LRRC4C: variants seen among roughly 807,000 people sequenced by gnomAD.
LRRC4C encodes the protein leucine-rich repeat-containing protein 4C.
LRRC4C carries 5 observed loss-of-function variants against 33.6 expected under a neutral mutation model. That is an observed-to-expected ratio of 0.15 (90% CI 0.08 to 0.31). The LOEUF (loss-of-function observed/expected upper bound fraction) is 0.31. Among genes scored for constraint, LRRC4C ranks in the 10% least tolerant of loss-of-function variants. The pLI is 1.00. For missense variants in LRRC4C, 560 were observed against 796.7 expected, an observed-to-expected ratio of 0.70 and a Z score of 3.58; for synonymous variants, 329 against 302.0, an observed-to-expected ratio of 1.09 and a Z score of -0.93.
chr11:40,672,180 G>A lies in LRRC4C; in HGVS notation c.-406-23902C>T, dbSNP rs555518055. Among the ~76,000 whole-genome samples the A allele has an allele frequency of 9.2e-5, 14 of 152,274 alleles. No individual in the cohort carries two copies. The South Asian group carries it at 1.2e-3, about 14-fold the overall frequency. On this transcript the variant is annotated intron_variant, in intron 2 of 6. Transcript: ENST00000528697. Reference sequence around the variant, plus strand: ...AAAGTTCTCAGAGATTTGGTTCCTGGTAAGGGCCAGATTTCTAGGTGTGTT... The same window carrying A: ...AAAGTTCTCAGAGATTTGGTTCCTGATAAGGGCCAGATTTCTAGGTGTGTT...
intron 3 of LRRC4C, among the ~76,000 whole-genome samples, chr11:40,417,049 AAAGTG>A (rs1236003005): frequency 6.6e-6 from 1 of 152,230 alleles, no homozygotes; most frequent in Non-Finnish European, 1.5e-5. Context: ...TGAACAATAA[AAAGTG>A]AAAAAGGAAA....
At chr11:40,593,686 G>T (rs1314052060) in intron 3 of LRRC4C, among the ~76,000 whole-genome samples, 2 of 152,228 alleles carry the variant, frequency 1.3e-5, no homozygotes, top group Admixed American at 6.5e-5. Context: ...AAGGGGGTTG[G>T]ATATAATATT....
At chr11:40,674,781 G>A (rs1944313277) in intron 2 of LRRC4C, among the ~76,000 whole-genome samples, 1 of 152,128 alleles carries the variant, frequency 6.6e-6, no homozygotes, top group South Asian at 2.1e-4. Context: ...CTTATATTTT[G>A]TAGGCTCTGT....
chr11:40,469,240 G>C (rs1292422493), intron 3 of LRRC4C, among the ~76,000 whole-genome samples: 1 of 152,192 alleles, frequency 6.6e-6, no homozygotes, highest in Non-Finnish European at 1.5e-5. Context: ...GCGAGCTGAA[G>C]CAGGGTGGGG....
At chr11:40,601,079 A>C (rs1167018952) in intron 3 of LRRC4C, among the ~76,000 whole-genome samples, 1 of 152,140 alleles carries the variant, frequency 6.6e-6, no homozygotes, top group Non-Finnish European at 1.5e-5. Flanking sequence ...CTGACTCATT[A>C]AACCCTTCAT....
At chr11:40,195,864 G>A (rs1862221297) in intron 5 of LRRC4C, among the ~76,000 whole-genome samples, 1 of 152,136 alleles carries the variant, frequency 6.6e-6, no homozygotes, top group Admixed American at 6.5e-5. Flanking sequence ...GCTAGACTGT[G>A]AAAATATGAA....
chr11:40,367,684 C>G (rs1948271448), intron 3 of LRRC4C, among the ~76,000 whole-genome samples: 1 of 152,064 alleles, frequency 6.6e-6, no homozygotes. Context: ...TATCTTATGT[C>G]CTTCTTCAAC....
intron 3 of LRRC4C, among the ~76,000 whole-genome samples, chr11:40,560,672 T>A (rs973746605): frequency 2.0e-5 from 3 of 152,198 alleles, no homozygotes; most frequent in Non-Finnish European, 4.4e-5. Context: ...TGGGCTCTAG[T>A]TTTACCATTT....
intron 4 of LRRC4C, among the ~76,000 whole-genome samples, chr11:40,274,168 T>A (rs1272009330): frequency 6.6e-6 from 1 of 152,010 alleles, no homozygotes; most frequent in African/African-American, 2.4e-5. Context: ...TTTGGTCACT[T>A]GGCTGCTCCC....
chr11:40,592,687 T>G (rs2135746377), intron 3 of LRRC4C, among the ~76,000 whole-genome samples: 1 of 152,290 alleles, frequency 6.6e-6, no homozygotes, highest in East Asian at 1.9e-4. Flanking sequence ...GTTGTATAAC[T>G]TTTAGCCAGA....
At chr11:40,690,544 C>T (rs1195643682) in intron 2 of LRRC4C, among the ~76,000 whole-genome samples, 1 of 152,032 alleles carries the variant, frequency 6.6e-6, no homozygotes, top group Non-Finnish European at 1.5e-5. Context: ...AAGATGTTGA[C>T]GTGGCCATTT....
intron 2 of LRRC4C, among the ~76,000 whole-genome samples, chr11:40,685,647 A>G (rs1368325028): frequency 6.6e-6 from 1 of 152,018 alleles, no homozygotes. Context: ...TGAATAGTTA[A>G]TGAGGATAAT....
intron 1 of LRRC4C, among the ~76,000 whole-genome samples, chr11:41,042,380 C>G (rs552138133): frequency 6.6e-6 from 1 of 152,110 alleles, no homozygotes; most frequent in Non-Finnish European, 1.5e-5. Flanking sequence ...TTACAGGCAT[C>G]TAACTTTATG....
At chr11:40,429,568 T>TAAAAAAAAAA (rs59538764) in intron 3 of LRRC4C, among the ~76,000 whole-genome samples, 3 of 147,686 alleles carry the variant, frequency 2.0e-5, no homozygotes, top group African/African-American at 7.6e-5. Context: ...GCAATAATAA[T>TAAAAAAAAAA]AAAAAAAAAA....
At chr11:41,022,327 T>G (rs1856041419) in intron 1 of LRRC4C, among the ~76,000 whole-genome samples, 1 of 150,908 alleles carries the variant, frequency 6.6e-6, no homozygotes, top group Non-Finnish European at 1.5e-5. Flanking sequence ...AACTTTAGAA[T>G]AAAAAAAAGA....
At chr11:40,179,462 C>A (rs755600199) in intron 5 of LRRC4C, among the ~76,000 whole-genome samples, 49 of 152,148 alleles carry the variant, frequency 3.2e-4, no homozygotes, top group Non-Finnish European at 6.2e-4. Context: ...GAGGCCACAG[C>A]GACCATTAAA....
chr11:40,665,319 AAAAAAAATATAT>A (rs1943681922), intron 2 of LRRC4C, among the ~76,000 whole-genome samples: 1 of 20,448 alleles, frequency 4.9e-5, no homozygotes, highest in African/African-American at 1.3e-4. Context: ...AAAAAAAAAA[AAAAAAAATATAT>A]ATATATATAT....
intron 5 of LRRC4C, among the ~76,000 whole-genome samples, chr11:40,194,167 C>T (rs533701632): frequency 5.3e-5 from 8 of 152,172 alleles, no homozygotes; most frequent in Non-Finnish European, 1.0e-4. Flanking sequence ...AGATTCTCTA[C>T]GGTTGAAATG....
intron 1 of LRRC4C, among the ~76,000 whole-genome samples, chr11:41,376,097 T>C (rs1282291141): frequency 6.6e-6 from 1 of 151,690 alleles, no homozygotes; most frequent in Non-Finnish European, 1.5e-5. Flanking sequence ...TGTATTTGTA[T>C]AAAATTTTCT....
Sources: gnomAD v4.1 joint callset for allele counts (sites outside exome capture counted in the v4.1 genomes callset) on GRCh38, gnomAD v4.1.1 for gene constraint, MANE v1.5 for transcripts, NCBI Gene and HGNC (gene_info 2026-07-23, HGNC 2026-07-21) for gene names.